Variants in CELF4 observed in about 807,000 individuals in gnomAD.
The protein encoded by CELF4 is CUGBP Elav-like family member 4, also known as CUG-BP- and ETR-3-like factor 4.
Under a neutral mutation model 59.9 loss-of-function variants are expected in CELF4, and 18 were observed. That is an observed-to-expected ratio of 0.30 (90% confidence interval 0.21 to 0.45). The LOEUF (loss-of-function observed/expected upper bound fraction) is 0.45, where lower values mean the gene tolerates loss of function less well. Among genes scored for constraint, CELF4 ranks in the 20% least tolerant of loss-of-function variants. The pLI is 1.00. For synonymous variants in CELF4, 261 were observed against 267.1 expected, an observed-to-expected ratio of 0.98 and a Z score of 0.22; for missense variants, 456 against 689.0, an observed-to-expected ratio of 0.66 and a Z score of 3.79.
intron 1 of CELF4, among the ~76,000 whole-genome samples, chr18:37,517,590 C>T (rs754738878): frequency 7.2e-5 from 11 of 152,162 alleles, no homozygotes; most frequent in Admixed American, 2.0e-4. Context: ...AACAGTTGGT[C>T]GCCCCGTGTC....
intron 1 of CELF4, 125 bp downstream of exon 1, chr18:37,565,231 C>T: frequency 9.1e-7 from 1 of 1,102,310 alleles, no homozygotes; most frequent in African/African-American, 1.6e-5. Flanking sequence ...CGAGCGCCTC[C>T]CTCCACCGCG....
chr18:37,315,779 C>T (rs562954928), intron 3 of CELF4, among the ~76,000 whole-genome samples: 1 of 152,186 alleles, frequency 6.6e-6, no homozygotes, highest in Non-Finnish European at 1.5e-5. Context: ...ATACCTGACC[C>T]AGGTATCAGC....
At chr18:37,414,818 C>T (rs2099514052) in intron 2 of CELF4, among the ~76,000 whole-genome samples, 1 of 151,978 alleles carries the variant, frequency 6.6e-6, no homozygotes, top group South Asian at 2.1e-4. Flanking sequence ...ATCCATCCAG[C>T]ATTCATCCAC....
intron 2 of CELF4, among the ~76,000 whole-genome samples, chr18:37,441,391 G>A (rs1340187146): frequency 6.6e-6 from 1 of 152,072 alleles, no homozygotes; most frequent in Non-Finnish European, 1.5e-5. Flanking sequence ...GTTGCTGGGA[G>A]ACGGCAGACA....
intron 2 of CELF4, among the ~76,000 whole-genome samples, chr18:37,419,095 A>G (rs2099552297): frequency 6.6e-6 from 1 of 152,176 alleles, no homozygotes; most frequent in Non-Finnish European, 1.5e-5. Context: ...ATCTTCCTCA[A>G]GAGTGGGGCA....
rs1024271771 is a variant in CELF4 at position 37,468,259 on chromosome 18, C to G, written c.369+17266G>C. 7.0e-4 allele frequency among the ~76,000 whole-genome samples: 106 copies of G among 152,304 alleles called. 1 individual carries two copies. The highest frequency in any genetic ancestry group is 2.2e-3 in the African/African-American group (91 of 41,564). The stretch of plus-strand genomic sequence containing the variant: ...TCCTGAAGCTGTGTTTCAAACAATG[C>G]AGCTCAACGGTATTTCAAGCAAAGT... On this transcript the variant is annotated intron_variant, in intron 2 of 12. Transcript: ENST00000420428.
chr18:37,353,711 A>T (rs1272281307), intron 2 of CELF4, among the ~76,000 whole-genome samples: 1 of 124,972 alleles, frequency 8.0e-6, no homozygotes, highest in Non-Finnish European at 1.6e-5. Flanking sequence ...CCCAGACTTC[A>T]GGTAGAAATG....
chr18:37,301,944 C>G (rs932535166), intron 3 of CELF4, among the ~76,000 whole-genome samples: 1 of 152,190 alleles, frequency 6.6e-6, no homozygotes, highest in African/African-American at 2.4e-5. Flanking sequence ...CTACTGGCCT[C>G]ACCACCACTG....
intron 1 of CELF4, among the ~76,000 whole-genome samples, chr18:37,541,178 C>T (rs1443106834): frequency 6.6e-6 from 1 of 152,140 alleles, no homozygotes; most frequent in Non-Finnish European, 1.5e-5. Flanking sequence ...CCACTCTGAG[C>T]TCCAGGATCA....
intron 12 of CELF4, among the ~76,000 whole-genome samples, chr18:37,248,341 G>A (rs1170245979): frequency 6.6e-6 from 1 of 152,146 alleles, no homozygotes; most frequent in Non-Finnish European, 1.5e-5. Context: ...GCTCCCAAGT[G>A]GCCTGTGTAA....
intron 1 of CELF4, among the ~76,000 whole-genome samples, chr18:37,492,035 C>T (rs1298084853): frequency 6.6e-6 from 1 of 152,196 alleles, no homozygotes; most frequent in East Asian, 1.9e-4. Context: ...GATGCTCTCC[C>T]TCCTCCCACC....
chr18:37,452,987 C>T (rs1238687188), intron 2 of CELF4, among the ~76,000 whole-genome samples: 1 of 151,716 alleles, frequency 6.6e-6, no homozygotes, highest in African/African-American at 2.4e-5. Context: ...AAAATGTTGC[C>T]TGGCTTTGCC....
intron 2 of CELF4, among the ~76,000 whole-genome samples, chr18:37,456,002 TC>T (rs1247617077): frequency 1.3e-5 from 2 of 152,158 alleles, no homozygotes; most frequent in Admixed American, 1.3e-4. Context: ...CTGAGTGACT[TC>T]TTGTTGCTGA....
intron 2 of CELF4, among the ~76,000 whole-genome samples, chr18:37,330,961 G>A (rs2097522429): frequency 6.6e-6 from 1 of 152,234 alleles, no homozygotes; most frequent in Non-Finnish European, 1.5e-5. Flanking sequence ...GGAGGTTATT[G>A]TTAAAATATG....
chr18:37,440,706 C>G (rs1038104610), intron 2 of CELF4, among the ~76,000 whole-genome samples: 1 of 152,084 alleles, frequency 6.6e-6, no homozygotes, highest in Admixed American at 6.5e-5. Context: ...GAGGGGAGAG[C>G]GAGGATATTG....
intron 2 of CELF4, among the ~76,000 whole-genome samples, chr18:37,393,187 G>A (rs933385983): frequency 6.6e-6 from 1 of 152,136 alleles, no homozygotes; most frequent in Non-Finnish European, 1.5e-5. Context: ...TTCCTCTCGG[G>A]GATACCCTGA....
intron 2 of CELF4, among the ~76,000 whole-genome samples, chr18:37,427,472 G>A (rs755713662): frequency 1.3e-5 from 2 of 152,040 alleles, no homozygotes; most frequent in African/African-American, 2.4e-5. Context: ...GGGTCCTTTC[G>A]GGGAACTGTG....
rs1026927371 is a variant in CELF4 at position 37,273,869 on chromosome 18, G to A, written c.801+442C>T. On this transcript the variant is annotated intron_variant, in intron 6 of 12. Coordinates refer to ENST00000420428, the MANE Select transcript of CELF4 (RefSeq NM_020180.4). Reference sequence around the variant, plus strand: ...CTGAGGGGATATCAGAAGTGTGGGTGTGTAGGGCTTTAGGGCACCTCACAG... The same window carrying A: ...CTGAGGGGATATCAGAAGTGTGGGTATGTAGGGCTTTAGGGCACCTCACAG... 6.0e-6 allele frequency: 6 copies of A among 1,005,324 alleles called. No homozygotes were observed. The African/African-American group carries it at 1.0e-4, about 18-fold the overall frequency. The allele number at this position is 1,005,324 out of a possible 1,614,324, so 62.3% of individuals were successfully genotyped here.
At chr18:37,510,495 C>A (rs767609125) in intron 1 of CELF4, among the ~76,000 whole-genome samples, 4 of 152,234 alleles carry the variant, frequency 2.6e-5, no homozygotes, top group Non-Finnish European at 5.9e-5. Flanking sequence ...AGAGGTTTCC[C>A]TCACTTCTAG....
Sources: allele counts gnomAD v4.1 joint callset (sites outside exome capture counted in the v4.1 genomes callset), GRCh38; gene constraint gnomAD v4.1.1; transcripts MANE v1.5; gene names NCBI Gene and HGNC (gene_info 2026-07-23, HGNC 2026-07-21).